KRTDAP: variants seen among roughly 807,000 people sequenced by gnomAD.
The protein encoded by KRTDAP is keratinocyte differentiation-associated protein.
KRTDAP carries 14 observed loss-of-function variants against 18.6 expected under a neutral mutation model. The ratio of observed to expected loss-of-function variants is 0.75; its 90% CI spans 0.50 to 1.18. The LOEUF is 1.18. Among genes scored for constraint, KRTDAP ranks in the 50% most tolerant of loss-of-function variants. The pLI is 0.00. For missense variants in KRTDAP, 114 were observed against 121.3 expected (o/e 0.94, Z 0.28); for synonymous variants, 53 against 49.5 (o/e 1.07, Z -0.29).
intron 1 of KRTDAP, among the ~76,000 whole-genome samples, chr19:35,489,904 GT>G (rs2067512737): frequency 6.6e-6 from 1 of 152,174 alleles, no homozygotes; most frequent in Admixed American, 6.5e-5. Context: ...GAACTAGCTA[GT>G]TTTTTGCTTT....
Position 35,487,371 on chromosome 19 carries a change from T to C in KRTDAP, c.*57A>G, listed in dbSNP as rs2067496716. The C allele has an allele frequency of 6.6e-7, 1 of 1,519,216 alleles. No individual in the cohort carries two copies. The highest frequency in any genetic ancestry group is 1.4e-5 in the African/African-American group (1 of 73,426). 94.1% of individuals were successfully genotyped at this position (1,519,216 alleles called of 1,614,324 possible). The stretch of plus-strand genomic sequence containing the variant: ...TGGAGTTCCTGAGGCAGGAAAGAGT[T>C]ATGGTAGGTTGAGAATCAGCGCTCA... On this transcript the variant is annotated 3_prime_UTR_variant, in exon 6 of 6. Transcript: ENST00000338897.
In KRTDAP at chr19:35,487,397, C is replaced by T. The variant is rs7976; in HGVS notation, c.*31G>A. On this transcript the variant is annotated 3_prime_UTR_variant, in exon 6 of 6. Coordinates refer to ENST00000338897, the MANE Select transcript of KRTDAP (RefSeq NM_207392.3). ...ATGGTAGGTTGAGAATCAGCGCTCA[C>T]GCTAGCCCCCTCTTCCAGTGGAGGT... 0.2 allele frequency: 328,885 copies of T among 1,606,612 alleles called. 36,956 individuals are homozygous for T. Among genetic ancestry groups the T allele is most frequent in the Non-Finnish European group, 0.23 (273,068 of 1,173,128 alleles).
At position 35,488,494 on chromosome 19, in the gene KRTDAP, G is replaced by A; in HGVS notation, c.169-9C>T. 6.2e-7 allele frequency: 1 copy of A among 1,613,862 alleles called. No individual in the cohort carries two copies. The highest frequency in any genetic ancestry group is 8.5e-7 in the Non-Finnish European group (1 of 1,179,890). On this transcript the variant is annotated splice_polypyrimidine_tract_variant and intron_variant, in intron 3 of 5. Coordinates refer to ENST00000338897, the MANE Select transcript of KRTDAP (RefSeq NM_207392.3). ...TCATCAGCCTTAAACGCCTGAGGAG[G>A]AAGAGAGACAGCAGAAGCAGGTCAG...
At position 35,487,702 on chromosome 19, in the gene KRTDAP, C is replaced by G. The variant is rs756557591; in HGVS notation, c.261+10G>C. The G allele has an allele frequency of 2.5e-6, 4 of 1,609,918 alleles. No individual in the cohort carries two copies. The highest frequency in any genetic ancestry group is 2.6e-6 in the Non-Finnish European group (3 of 1,176,184). ...AAGCTCCATACCCTCCTAATGCCCA[C>G]ACCTCTTACCTTAGGAAAGGCATCC... On this transcript the variant is annotated intron_variant, in intron 5 of 5. Coordinates refer to ENST00000338897, the MANE Select transcript of KRTDAP (RefSeq NM_207392.3).
chr19:35,487,344 A>G lies in KRTDAP; in HGVS notation c.*84T>C. The G allele has an allele frequency of 3.8e-6, 5 of 1,300,940 alleles. No individual in the cohort carries two copies. Among genetic ancestry groups the G allele is most frequent in the Non-Finnish European group, 5.6e-6 (5 of 893,838 alleles). 80.6% of individuals were successfully genotyped at this position (1,300,940 alleles called of 1,614,324 possible). A position where few individuals can be genotyped will look rare whatever the true frequency, so the allele number is the denominator to read the frequency against. Reference sequence around the variant, plus strand: ...GGAGCTGTTGGATGGAAAATGTTTTATTGGAGTTCCTGAGGCAGGAAAGAG... The same window carrying G: ...GGAGCTGTTGGATGGAAAATGTTTTGTTGGAGTTCCTGAGGCAGGAAAGAG... On this transcript the variant is annotated 3_prime_UTR_variant, in exon 6 of 6. Transcript: ENST00000338897.
chr19:35,487,787 A>C (rs770050891), intron 4 of KRTDAP, 28 bp from the exon 5 acceptor site: 7 of 1,579,148 alleles, frequency 4.4e-6, no homozygotes, highest in Non-Finnish European at 6.1e-6. Context: ...AAAGAGAGTG[A>C]TGTGTTGCAG....
chr19:35,489,350 A>G (rs1349520429), intron 1 of KRTDAP, among the ~76,000 whole-genome samples: 1 of 152,180 alleles, frequency 6.6e-6, no homozygotes, highest in Non-Finnish European at 1.5e-5. Context: ...AGTGTGTCCC[A>G]TCGTGTCTTC....
chr19:35,487,828 C>T, intron 4 of KRTDAP, 69 bp from the exon 5 acceptor site: 1 of 898,296 alleles, frequency 1.1e-6, no homozygotes, highest in Non-Finnish European at 1.9e-6. Flanking sequence ...TAAGCATTCC[C>T]TTAATGAACT....
At position 35,490,178 on chromosome 19, in the gene KRTDAP, C is replaced by T. The variant is rs992283139; in HGVS notation, c.87+178G>A. 2.0e-5 allele frequency among the ~76,000 whole-genome samples: 3 copies of T among 152,118 alleles called. No homozygotes were observed. In the South Asian group the frequency reaches 6.2e-4, roughly 32 times the overall value. ...TTCCAGAAAGAGGAGCATCTCTGTC[C>T]CAAATGTCTCCCCAGGGATGCTCTG... On this transcript the variant is annotated intron_variant, in intron 1 of 5. Coordinates refer to ENST00000338897, the MANE Select transcript of KRTDAP (RefSeq NM_207392.3).
chr19:35,487,347 G>T lies in KRTDAP; in HGVS notation c.*81C>A. ...GCTGTTGGATGGAAAATGTTTTATT[G>T]GAGTTCCTGAGGCAGGAAAGAGTTA... is the stretch of plus-strand genomic sequence containing the variant. On this transcript the variant is annotated 3_prime_UTR_variant, in exon 6 of 6. Transcript: ENST00000338897. 1 of 1,305,488 alleles carries T rather than the reference G, an allele frequency of 7.7e-7. No individual in the cohort carries two copies. Among genetic ancestry groups the T allele is most frequent in the Non-Finnish European group, 1.1e-6 (1 of 897,902 alleles). 80.9% of individuals were successfully genotyped at this position (1,305,488 alleles called of 1,614,324 possible).
intron 3 of KRTDAP, 34 bp downstream of exon 3, chr19:35,488,628 A>G (rs1245146756): frequency 1.9e-6 from 3 of 1,613,798 alleles, no homozygotes; most frequent in Non-Finnish European, 2.5e-6. Flanking sequence ...TGATGAGGGT[A>G]TTCGTGGGGG....
intron 4 of KRTDAP, among the ~76,000 whole-genome samples, chr19:35,487,976 A>G (rs774709745): frequency 1.6e-4 from 24 of 152,160 alleles, no homozygotes; most frequent in Non-Finnish European, 3.2e-4. Context: ...TTTTACAGCA[A>G]CCTTTTGTGG....
chr19:35,487,871 A>G (rs1275227088), intron 4 of KRTDAP, 112 bp from the exon 5 acceptor site: 6 of 723,564 alleles, frequency 8.3e-6, no homozygotes, highest in Non-Finnish European at 1.5e-5. Context: ...TAATGTCATT[A>G]TTTTGTCATT....
At chr19:35,490,268 C>A in intron 1 of KRTDAP, 88 bp downstream of exon 1, 2 of 789,112 alleles carry the variant, frequency 2.5e-6, no homozygotes, top group East Asian at 2.6e-5. Flanking sequence ...AACTAAGAGC[C>A]ACTTATCCAG....
intron 1 of KRTDAP, among the ~76,000 whole-genome samples, chr19:35,489,810 C>CA (rs1192064873): frequency 1.3e-5 from 2 of 152,134 alleles, no homozygotes. Context: ...CCCAGGGGCA[C>CA]AAATGAAGCA....
In KRTDAP at chr19:35,488,604, G is replaced by A. The variant is rs1031098385; in HGVS notation, c.168+58C>T. The A allele has an allele frequency of 2.7e-5, 44 of 1,610,654 alleles. No homozygotes were observed. The Middle Eastern group carries it at 5.0e-4, about 18-fold the overall frequency. On this transcript the variant is annotated intron_variant, in intron 3 of 5. Transcript: ENST00000338897. ...AGCTTTGCAAGCTCTCTACCAAGGC[G>A]TTTATCCCCTCTGTGATGAGGGTAT...
At chr19:35,488,051 A>G (rs551308420) in intron 4 of KRTDAP, among the ~76,000 whole-genome samples, 9 of 152,162 alleles carry the variant, frequency 5.9e-5, no homozygotes, top group Non-Finnish European at 1.2e-4. Flanking sequence ...AGGCGTTCGC[A>G]TGAGGCCATG....
At chr19:35,489,003 G>A (rs967573333) in intron 1 of KRTDAP, among the ~76,000 whole-genome samples, 163 bp from the exon 2 acceptor site, 5 of 152,320 alleles carry the variant, frequency 3.3e-5, no homozygotes, top group South Asian at 2.1e-4. Flanking sequence ...CATGGTTGGC[G>A]GATGTGCAGG....
chr19:35,489,607 C>T (rs1381073599), intron 1 of KRTDAP, among the ~76,000 whole-genome samples: 1 of 152,156 alleles, frequency 6.6e-6, no homozygotes, highest in Non-Finnish European at 1.5e-5. Flanking sequence ...TCACCTCAGG[C>T]CCTGACAGCC....
Sources: gnomAD v4.1 joint callset for allele counts (sites outside exome capture counted in the v4.1 genomes callset) on GRCh38, gnomAD v4.1.1 for gene constraint, MANE v1.5 for transcripts, NCBI Gene and HGNC (gene_info 2026-07-23, HGNC 2026-07-21) for gene names.